The following CALCRL variants were observed in gnomAD, a reference collection of about 807,000 sequenced individuals.
The protein encoded by CALCRL is calcitonin receptor like receptor, also known as calcitonin gene-related peptide type 1 receptor.
CALCRL carries 27 observed loss-of-function variants against 60.4 expected under a neutral mutation model. The ratio of observed to expected loss-of-function variants is 0.45; its 90% confidence interval spans 0.33 to 0.62. The LOEUF is 0.62. Among genes scored for constraint, CALCRL ranks in the 20% least tolerant of loss-of-function variants. The pLI is 0.03. For synonymous variants in CALCRL, 190 were observed against 182.6 expected (o/e 1.04, Z -0.33); for missense variants, 424 against 540.7 (o/e 0.78, Z 2.14).
At chr2:187,398,595 C>G (rs889009543) in intron 1 of CALCRL, among the ~76,000 whole-genome samples, 2 of 151,662 alleles carry the variant, frequency 1.3e-5, no homozygotes, top group East Asian at 3.9e-4. Context: ...AGACCTCCCT[C>G]TTGATCACTG....
At chr2:187,362,269 A>T (rs891322717) in intron 9 of CALCRL, among the ~76,000 whole-genome samples, 3 of 151,922 alleles carry the variant, frequency 2.0e-5, no homozygotes, top group Admixed American at 6.6e-5. Context: ...TCAAGACAAA[A>T]CTCTGAATCT....
intron 1 of CALCRL, among the ~76,000 whole-genome samples, chr2:187,420,277 G>C (rs772628380): frequency 7.2e-5 from 11 of 152,006 alleles, no homozygotes; most frequent in African/African-American, 1.4e-4. Flanking sequence ...TAATGAACTA[G>C]ATCTGGAAGA....
chr2:187,370,468 G>C (rs1687472740), intron 8 of CALCRL, among the ~76,000 whole-genome samples: 3 of 152,018 alleles, frequency 2.0e-5, no homozygotes, highest in East Asian at 3.8e-4. Context: ...ACTTAGGTAT[G>C]CTTAAATTAA....
At chr2:187,437,982 A>G (rs1348423077) in intron 1 of CALCRL, among the ~76,000 whole-genome samples, 1 of 152,138 alleles carries the variant, frequency 6.6e-6, no homozygotes, top group Non-Finnish European at 1.5e-5. Context: ...GTATGTTGAC[A>G]ATCAGTATTT....
At chr2:187,355,863 A>G (rs1331502847) in intron 12 of CALCRL, among the ~76,000 whole-genome samples, 2 of 151,978 alleles carry the variant, frequency 1.3e-5, no homozygotes, top group Non-Finnish European at 2.9e-5. Context: ...ATAATAGACA[A>G]ACAGAGAGCT....
At chr2:187,365,904 G>A (rs1687254829) in intron 8 of CALCRL, among the ~76,000 whole-genome samples, 1 of 152,144 alleles carries the variant, frequency 6.6e-6, no homozygotes, top group Non-Finnish European at 1.5e-5. Flanking sequence ...TAAGGGGAGA[G>A]TGGAGATGGG....
chr2:187,346,295 T>G lies in CALCRL; in HGVS notation c.1275A>C (p.Thr425=). The G allele has an allele frequency of 6.2e-7, 1 of 1,612,516 alleles. No homozygotes were observed. The highest frequency in any genetic ancestry group is 2.2e-5 in the East Asian group (1 of 44,834). The change falls in exon 15 of 15, where the codon ACA becomes ACC. Residue 425 remains threonine (T), a synonymous_variant. Coordinates refer to ENST00000392370, the MANE Select transcript of CALCRL (RefSeq NM_005795.6). ...GACTATAACCTGGACCATCACTGAT[T>G]GTTGACACTGTGTAAGACGCACTAC... ...ALRSASYTVS[T]ISDGPGYSHD...
rs556910704 is a variant in CALCRL at position 187,388,453 on chromosome 2, C to T, written c.-292-697G>A. Among the ~76,000 whole-genome samples, 69 of 152,026 alleles carry T rather than the reference C, an allele frequency of 4.5e-4. No homozygotes were observed. In the South Asian group the frequency reaches 0.014, roughly 30 times the overall value. ...AAGCAATTTACAGTTCATTATTAGA[C>T]AATACTCTTACATGCACATTTCACC... is the stretch of plus-strand genomic sequence containing the variant. On this transcript the variant is annotated intron_variant, in intron 1 of 14. Coordinates refer to ENST00000392370, the MANE Select transcript of CALCRL (RefSeq NM_005795.6).
chr2:187,380,837 A>G (rs747083794), intron 5 of CALCRL, 50 bp from the exon 6 acceptor site: 2 of 1,403,632 alleles, frequency 1.4e-6, no homozygotes, highest in South Asian at 2.4e-5. Flanking sequence ...CTACTTATAC[A>G]TGAAGACATA....
intron 1 of CALCRL, among the ~76,000 whole-genome samples, chr2:187,399,534 A>G (rs1688795979): frequency 6.6e-6 from 1 of 151,622 alleles, no homozygotes. Flanking sequence ...TGTTCAAAGT[A>G]TACTATCAAG....
intron 1 of CALCRL, chr2:187,428,451 A>G (rs1690247169): frequency 6.6e-6 from 1 of 152,238 alleles, no homozygotes. Context: ...TGAATCTTTA[A>G]TTATGACCTA....
rs931002260 is a variant in CALCRL, at chr2:187,424,427, G to A, written c.-293+23612C>T. On this transcript the variant is annotated intron_variant, in intron 1 of 14. Coordinates refer to ENST00000392370, the MANE Select transcript of CALCRL (RefSeq NM_005795.6). ...TTTCTTATAAGCCACACCCTTCCTA[G>A]GCATTTCTCAAATACTTTACATAGA... Among the ~76,000 whole-genome samples, 7 of 142,554 alleles carry A rather than the reference G, an allele frequency of 4.9e-5. No homozygotes were observed. The South Asian group carries it at 1.5e-3, about 32-fold the overall frequency. 93.5% of individuals were successfully genotyped at this position (142,554 alleles called of 152,430 possible). A position where few individuals can be genotyped will look rare whatever the true frequency, so the allele number is the denominator to read the frequency against.
At chr2:187,390,935 A>G (rs1688414630) in intron 1 of CALCRL, among the ~76,000 whole-genome samples, 2 of 152,172 alleles carry the variant, frequency 1.3e-5, no homozygotes, top group South Asian at 2.1e-4. Flanking sequence ...TGAGTCATCT[A>G]CTTTGCAAAG....
intron 1 of CALCRL, chr2:187,436,720 T>A (rs1559079376): frequency 6.6e-6 from 1 of 152,236 alleles, no homozygotes; most frequent in Non-Finnish European, 1.5e-5. Context: ...TCCATGGCCA[T>A]GTAGGCCAAA....
chr2:187,372,579 C>T (rs966690895), intron 8 of CALCRL, among the ~76,000 whole-genome samples: 3 of 152,098 alleles, frequency 2.0e-5, no homozygotes, highest in Non-Finnish European at 4.4e-5. Context: ...AGACTTTTCT[C>T]TCTCTAAATA....
At chr2:187,364,197 A>G (rs1687180156) in intron 8 of CALCRL, among the ~76,000 whole-genome samples, 1 of 152,190 alleles carries the variant, frequency 6.6e-6, no homozygotes, top group African/African-American at 2.4e-5. Flanking sequence ...GTAGATTTCA[A>G]GAAAAAGTGT....
chr2:187,387,108 C>T (rs1405759955), intron 3 of CALCRL, among the ~76,000 whole-genome samples: 2 of 152,106 alleles, frequency 1.3e-5, no homozygotes, highest in East Asian at 1.9e-4. Flanking sequence ...AAAAAATTTC[C>T]GATCAACAGA....
At chr2:187,433,663 G>A (rs1354018058) in intron 1 of CALCRL, among the ~76,000 whole-genome samples, 1 of 151,718 alleles carries the variant, frequency 6.6e-6, no homozygotes, top group African/African-American at 2.4e-5. Flanking sequence ...AACTAAATCT[G>A]GAAAACACAG....
rs7564300 is a variant in CALCRL at position 187,418,162 on chromosome 2, A to T, written c.-293+29877T>A. 3.2e-3 allele frequency among the ~76,000 whole-genome samples: 490 copies of T among 152,260 alleles called. 6 individuals carry two copies. The highest frequency in any genetic ancestry group is 0.011 in the African/African-American group (466 of 41,550). On this transcript the variant is annotated intron_variant, in intron 1 of 14. Coordinates refer to ENST00000392370, the MANE Select transcript of CALCRL (RefSeq NM_005795.6). Reference sequence around the variant, plus strand: ...CACACCCCCAGGACTTCTATTCACTAAAAATGTGGAATTATCCATGCTAAT... The same window carrying T: ...CACACCCCCAGGACTTCTATTCACTTAAAATGTGGAATTATCCATGCTAAT...
Sources: allele counts gnomAD v4.1 joint callset (sites outside exome capture counted in the v4.1 genomes callset), GRCh38; gene constraint gnomAD v4.1.1; transcripts MANE v1.5; gene names NCBI Gene and HGNC (gene_info 2026-07-23, HGNC 2026-07-21).